Variants in CPN1 observed in about 807,000 individuals in gnomAD.
CPN1 encodes carboxypeptidase N subunit 1.
In CPN1, 37 loss-of-function variants were observed where a neutral mutation model predicts 46.4. The observed-to-expected ratio is 0.80, with a 90% CI of 0.61 to 1.05. The LOEUF is 1.05. CPN1 is among the 50% of genes least tolerant of loss of function. The pLI is 0.00. For synonymous variants in CPN1, 224 were observed against 235.4 expected (o/e 0.95, Z 0.44); for missense variants, 563 against 602.6 (o/e 0.93, Z 0.69).
Position 100,048,844 on chromosome 10 carries a change from G to A in CPN1, c.1144C>T (p.Pro382Ser). The A allele has an allele frequency of 6.2e-7, 1 of 1,613,742 alleles. No individual in the cohort carries two copies. Among genetic ancestry groups the A allele is most frequent in the Non-Finnish European group, 8.5e-7 (1 of 1,179,780 alleles). The change falls in exon 8 of 9, where the codon CCA (proline) becomes TCA (serine). Residue 382 changes from proline (P) to serine (S), a missense_variant. Transcript: ENST00000370418. ...GTGGCACTAACAGTGTAGATACCTG[G>A]AAGCAGCAGCCGGAAGTAATCACCA... ...DHGDYFRLLLPGIYTVSATAP... is the reference protein window; with the variant it reads ...DHGDYFRLLLSGIYTVSATAP...
chr10:100,043,557 A>T (rs914838769), intron 8 of CPN1, among the ~76,000 whole-genome samples: 3 of 152,218 alleles, frequency 2.0e-5, no homozygotes, highest in African/African-American at 7.2e-5. Flanking sequence ...CAGGCATGCC[A>T]GTAAGTGTCA....
At chr10:100,061,459 C>T in intron 5 of CPN1, among the ~76,000 whole-genome samples, 1 of 152,234 alleles carries the variant, frequency 6.6e-6, no homozygotes, top group East Asian at 1.9e-4. Flanking sequence ...CTAAATACAG[C>T]TTGCTGGGCT....
intron 8 of CPN1, among the ~76,000 whole-genome samples, chr10:100,044,579 T>C (rs915957282): frequency 6.6e-6 from 1 of 152,172 alleles, no homozygotes; most frequent in African/African-American, 2.4e-5. Context: ...TTTCGCCATG[T>C]TGCCCAGGCT....
Position 100,068,117 on chromosome 10 carries a change from A to T in CPN1, c.576+1597T>A, listed in dbSNP as rs184384937. Among the ~76,000 whole-genome samples the T allele has an allele frequency of 7.7e-3, 1,127 of 146,494 alleles. 22 individuals carry two copies. Among genetic ancestry groups the T allele is most frequent in the African/African-American group, 0.026 (1,028 of 39,154 alleles). On this transcript the variant is annotated intron_variant, in intron 3 of 8. Transcript: ENST00000370418. Reference sequence around the variant, plus strand: ...CAGTGAGCCAAGATTGTGCCACTGCACTCCAGCCTGGAGGGTAAAAGAGCA... The same window carrying T: ...CAGTGAGCCAAGATTGTGCCACTGCTCTCCAGCCTGGAGGGTAAAAGAGCA...
chr10:100,069,784 T>G lies in CPN1; in HGVS notation c.506A>C (p.Tyr169Ser). The G allele has an allele frequency of 6.2e-7, 1 of 1,613,884 alleles. No homozygotes were observed. Among genetic ancestry groups the G allele is most frequent in the Non-Finnish European group, 8.5e-7 (1 of 1,179,990 alleles). ...LNRNFPDLNT[Y>S]IYYNEKYGGP... The stretch of plus-strand genomic sequence containing the variant: ...TCCGTACTTCTCGTTATAGTAGATA[T>G]AGGTATTGAGATCAGGGAAGTTGCG... The change falls in exon 3 of 9, where the codon TAT becomes TCT. Residue 169 changes from tyrosine to serine, a missense_variant. Transcript: ENST00000370418.
chr10:100,057,053 C>T lies in CPN1; in HGVS notation c.971G>A (p.Trp324Ter). The T allele has an allele frequency of 6.2e-7, 1 of 1,614,158 alleles. No homozygotes were observed. Among genetic ancestry groups the T allele is most frequent in the Non-Finnish European group, 8.5e-7 (1 of 1,180,016 alleles). The change falls in exon 6 of 9, where the codon TGG becomes TAG. Residue 324 changes from tryptophan (W) to a stop codon, truncating the protein, a stop_gained. Transcript: ENST00000370418. LOFTEE classifies it high-confidence loss of function. ...FPPEEELQRE[W>*]LGNREALIQF... is the part of the protein sequence containing the mutation. ...GATTAGGGCTTCCCGATTACCCAGCCACTCCCGCTGTAACTCCTCTTCGGG... is the reference window on the plus strand; with the variant it reads ...GATTAGGGCTTCCCGATTACCCAGCTACTCCCGCTGTAACTCCTCTTCGGG...
At chr10:100,050,683 G>A (rs1212302164) in intron 7 of CPN1, among the ~76,000 whole-genome samples, 1 of 152,100 alleles carries the variant, frequency 6.6e-6, no homozygotes, top group African/African-American at 2.4e-5. Flanking sequence ...AGAGTGCAGT[G>A]GTGCTATCAT....
chr10:100,065,294 C>T lies in CPN1; in HGVS notation c.653G>A (p.Gly218Glu), dbSNP rs2041448370. The T allele has an allele frequency of 6.2e-7, 1 of 1,614,128 alleles. No homozygotes were observed. ...ATACGGGTAATTGGCCACCACCGCC[C>T]CTCCGTGGAGATTGGCTGAAAGAAC... is the stretch of plus-strand genomic sequence containing the variant. ...NFVLSANLHG[G>E]AVVANYPYDK... is the part of the protein sequence containing the mutation. Residue 218 changes from glycine to glutamate, a missense_variant, in exon 4 of 9, where the codon GGG becomes GAG. Gly to Glu is a moderately conservative substitution (Grantham distance 98, BLOSUM62 -2). Transcript: ENST00000370418.
chr10:100,073,493 C>G (rs955139007), intron 2 of CPN1, among the ~76,000 whole-genome samples: 1 of 152,050 alleles, frequency 6.6e-6, no homozygotes, highest in African/African-American at 2.4e-5. Context: ...TTTAAAACAG[C>G]ACGAGTGTAT....
chr10:100,077,258 T>A (rs1416542132), intron 1 of CPN1, among the ~76,000 whole-genome samples: 2 of 130,974 alleles, frequency 1.5e-5, no homozygotes, highest in Admixed American at 1.7e-4. Flanking sequence ...TGAGATGGAG[T>A]CTCACTCTGT....
chr10:100,076,205 A>C, intron 1 of CPN1, 98 bp from the exon 2 acceptor site: 1 of 1,158,274 alleles, frequency 8.6e-7, no homozygotes, highest in Non-Finnish European at 1.3e-6. Context: ...CGAATGAAAG[A>C]AAATCTCATG....
intron 2 of CPN1, among the ~76,000 whole-genome samples, chr10:100,072,554 G>T (rs2041492150): frequency 6.6e-6 from 1 of 152,134 alleles, no homozygotes; most frequent in South Asian, 2.1e-4. Context: ...AAAAAATTTA[G>T]GATGCTTACT....
At chr10:100,054,988 A>G (rs2041377278) in intron 6 of CPN1, among the ~76,000 whole-genome samples, 1 of 151,958 alleles carries the variant, frequency 6.6e-6, no homozygotes, top group African/African-American at 2.4e-5. Context: ...CTGTAATTCC[A>G]GCACTTTGGG....
intron 5 of CPN1, among the ~76,000 whole-genome samples, chr10:100,057,486 T>C (rs2041391135): frequency 6.6e-6 from 1 of 152,170 alleles, no homozygotes; most frequent in Admixed American, 6.5e-5. Flanking sequence ...CCCTTAATGT[T>C]ATGTATCGTT....
At chr10:100,055,351 C>T (rs569407127) in intron 6 of CPN1, among the ~76,000 whole-genome samples, 2 of 147,290 alleles carry the variant, frequency 1.4e-5, no homozygotes, top group South Asian at 2.1e-4. Flanking sequence ...CTCCATTATC[C>T]CCCCCCCCAG....
At chr10:100,049,775 G>A (rs548696982) in intron 7 of CPN1, among the ~76,000 whole-genome samples, 67 of 152,202 alleles carry the variant, frequency 4.4e-4, no homozygotes, top group Non-Finnish European at 7.2e-4. Context: ...ATAGGAGTAC[G>A]GCCTCAGCTC....
rs2041516717 is a variant in CPN1, at chr10:100,076,601, AGCC to A, written c.224-497_224-495del. On this transcript the variant is annotated intron_variant, in intron 1 of 8. Coordinates refer to ENST00000370418, the MANE Select transcript of CPN1 (RefSeq NM_001308.3). ...GAAGTACTCTAGGTTTTAGCGTAAC[AGCC>A]GCTAATGATCCCAGTTGAAAACTTA... 2.6e-5 allele frequency among the ~76,000 whole-genome samples: 4 copies of A among 152,246 alleles called. No homozygotes were observed. In the South Asian group the frequency reaches 8.3e-4, roughly 31 times the overall value.
chr10:100,068,459 C>T (rs1255602615), intron 3 of CPN1, among the ~76,000 whole-genome samples: 4 of 152,078 alleles, frequency 2.6e-5, no homozygotes, highest in Admixed American at 6.5e-5. Flanking sequence ...GTGATCCGCC[C>T]GCCTCGGCCT....
At chr10:100,062,231 CT>C (rs2041423667) in intron 5 of CPN1, among the ~76,000 whole-genome samples, 2 of 152,130 alleles carry the variant, frequency 1.3e-5, no homozygotes, top group South Asian at 4.1e-4. Context: ...CTTCTCTATT[CT>C]TCAATCCAGT....
Sources: allele counts gnomAD v4.1 joint callset (sites outside exome capture counted in the v4.1 genomes callset), GRCh38; gene constraint gnomAD v4.1.1; transcripts MANE v1.5; gene names NCBI Gene and HGNC (gene_info 2026-07-23, HGNC 2026-07-21).